The following PHLPP2 variants were observed in gnomAD, a reference collection of about 807,000 sequenced individuals.
The protein encoded by PHLPP2 is PH domain and leucine rich repeat protein phosphatase 2.
A neutral mutation model predicts 124.9 loss-of-function variants in PHLPP2; 66 were observed. The observed-to-expected ratio is 0.53, with a 90% confidence interval of 0.43 to 0.65. The LOEUF (loss-of-function observed/expected upper bound fraction) is 0.65, where lower values mean the gene tolerates loss of function less well. PHLPP2 is among the 30% of genes least tolerant of loss of function. The pLI is 0.00. For synonymous variants in PHLPP2, 681 were observed against 624.7 expected (o/e 1.09, Z -1.34); for missense variants, 1,685 against 1,600.4 (o/e 1.05, Z -0.90).
intron 1 of PHLPP2, among the ~76,000 whole-genome samples, chr16:71,720,286 A>T (rs1474779773): frequency 1.3e-5 from 2 of 150,602 alleles, no homozygotes; most frequent in Non-Finnish European, 3.0e-5. Context: ...GCTAATTTTT[A>T]AAAATATTTT....
intron 7 of PHLPP2, 126 bp downstream of exon 7, chr16:71,679,263 G>T: frequency 1.2e-6 from 1 of 840,244 alleles, no homozygotes; most frequent in Non-Finnish European, 1.9e-6. Flanking sequence ...AACTGCTGCT[G>T]ACTAGAATCC....
Position 71,684,534 on chromosome 16 carries a change from T to G in PHLPP2, c.677A>C (p.Tyr226Ser). ...GGCCAAAGTCTCGAAGCTGACATGA[T>G]AGGTCTGAGCTTGGGCTCCTGCTGA... ...FSSAGAQAQT[Y>S]HVSFETLAEY... Residue 226 changes from tyrosine (Y) to serine (S), a missense_variant, in exon 5 of 19, where the codon TAT becomes TCT. Tyr to Ser is a moderately radical substitution (Grantham distance 144, BLOSUM62 -2). Coordinates refer to ENST00000568954, the MANE Select transcript of PHLPP2 (RefSeq NM_015020.3). 6.2e-7 allele frequency: 1 copy of G among 1,613,898 alleles called. No homozygotes were observed. The highest frequency in any genetic ancestry group is 8.5e-7 in the Non-Finnish European group (1 of 1,179,938).
chr16:71,676,422 A>C (rs2044945833), intron 9 of PHLPP2, 25 bp downstream of exon 9: 1 of 1,598,978 alleles, frequency 6.3e-7, no homozygotes, highest in South Asian at 1.1e-5. Context: ...AAGAGAAAAA[A>C]CAAAAGGCTG....
At chr16:71,701,933 T>C (rs539883641) in intron 3 of PHLPP2, among the ~76,000 whole-genome samples, 3 of 152,326 alleles carry the variant, frequency 2.0e-5, no homozygotes, top group South Asian at 2.1e-4. Flanking sequence ...ATAGTACATA[T>C]AGAGTTCAGT....
At chr16:71,670,054 C>T (rs2044877533) in intron 10 of PHLPP2, among the ~76,000 whole-genome samples, 1 of 152,120 alleles carries the variant, frequency 6.6e-6, no homozygotes, top group Non-Finnish European at 1.5e-5. Context: ...TCAAAACAAG[C>T]TCTCTAAGAA....
chr16:71,722,043 T>A (rs998183059), intron 1 of PHLPP2, among the ~76,000 whole-genome samples: 18 of 152,278 alleles, frequency 1.2e-4, no homozygotes, highest in African/African-American at 4.3e-4. Context: ...CAGAGAAAAA[T>A]GAGTGGGAGA....
chr16:71,691,239 G>A (rs1167212947), intron 3 of PHLPP2, among the ~76,000 whole-genome samples: 1 of 152,112 alleles, frequency 6.6e-6, no homozygotes, highest in Admixed American at 6.6e-5. Context: ...CATATCACAA[G>A]GTCAGGAGAT....
chr16:71,652,750 A>C (rs771273001), intron 18 of PHLPP2, 40 bp downstream of exon 18: 1 of 1,457,526 alleles, frequency 6.9e-7, no homozygotes, highest in East Asian at 2.3e-5. Flanking sequence ...GCCTCCACTG[A>C]TTTGGGGAGC....
chr16:71,723,923 G>C (rs1201132841), intron 1 of PHLPP2: 2 of 687,644 alleles, frequency 2.9e-6, no homozygotes, highest in Non-Finnish European at 3.7e-6. Flanking sequence ...GCGGAGCCTC[G>C]GCGGCGCGCG....
intron 3 of PHLPP2, among the ~76,000 whole-genome samples, chr16:71,700,111 A>G (rs189440525): frequency 9.9e-5 from 15 of 152,260 alleles, no homozygotes; most frequent in Admixed American, 2.6e-4. Flanking sequence ...TTTATTATAG[A>G]TCCGGCTGCT....
At chr16:71,715,061 T>C in intron 1 of PHLPP2, 1 of 468,780 alleles carries the variant, frequency 2.1e-6, no homozygotes. Flanking sequence ...GTGTCAAGAA[T>C]AACGAAACAG....
At chr16:71,723,932 C>G in intron 1 of PHLPP2, 1 of 560,590 alleles carries the variant, frequency 1.8e-6, no homozygotes, top group Non-Finnish European at 2.3e-6. Flanking sequence ...CGGCGGCGCG[C>G]GCGAGCAACC....
chr16:71,695,423 A>G (rs932593279), intron 3 of PHLPP2, among the ~76,000 whole-genome samples: 1 of 152,162 alleles, frequency 6.6e-6, no homozygotes, highest in African/African-American at 2.4e-5. Flanking sequence ...AGAAATGTAT[A>G]CAGGGCCGGG....
chr16:71,684,424 C>G, intron 5 of PHLPP2, 52 bp downstream of exon 5: 4 of 1,599,294 alleles, frequency 2.5e-6, no homozygotes, highest in Non-Finnish European at 3.4e-6. Context: ...CCACGCCCGG[C>G]CTAGGGTTCT....
chr16:71,679,670 A>G (rs561638706), intron 6 of PHLPP2, 135 bp from the exon 7 acceptor site: 1 of 711,098 alleles, frequency 1.4e-6, no homozygotes, highest in Admixed American at 2.8e-5. Context: ...CTTATTGAGC[A>G]CTCGCTGCAT....
chr16:71,684,070 G>A (rs1567620955), intron 5 of PHLPP2, among the ~76,000 whole-genome samples: 1 of 149,140 alleles, frequency 6.7e-6, no homozygotes, highest in Non-Finnish European at 1.5e-5. Context: ...AGGATTACAT[G>A]CATGAGCCAC....
intron 9 of PHLPP2, 117 bp from the exon 10 acceptor site, chr16:71,672,439 A>AAG: frequency 2.7e-6 from 2 of 732,522 alleles, no homozygotes; most frequent in Admixed American, 4.9e-5. Context: ...GTATTCTACC[A>AAG]AGATGAGCTA....
intron 2 of PHLPP2, among the ~76,000 whole-genome samples, chr16:71,708,310 A>C (rs1051045068): frequency 6.6e-6 from 1 of 152,184 alleles, no homozygotes; most frequent in Non-Finnish European, 1.5e-5. Flanking sequence ...GCCTTAACTG[A>C]TGACATTACC....
chr16:71,645,206 T>G lies in PHLPP2; in HGVS notation c.*3684A>C, dbSNP rs1052526299. 6.1e-6 allele frequency: 1 copy of G among 163,500 alleles called. No homozygotes were observed. Among genetic ancestry groups the G allele is most frequent in the Non-Finnish European group, 1.3e-5 (1 of 75,504 alleles). 10.1% of individuals were successfully genotyped at this position (163,500 alleles called of 1,614,324 possible). A position where few individuals can be genotyped will look rare whatever the true frequency, so the allele number is the denominator to read the frequency against. On this transcript the variant is annotated 3_prime_UTR_variant, in exon 19 of 19. Transcript: ENST00000568954. ...GCATCTGGGAGAAGTGCATGAAATT[T>G]AGAATACAAGGAACTTATGTGTGAC...
Sources: allele counts gnomAD v4.1 joint callset (sites outside exome capture counted in the v4.1 genomes callset), GRCh38; gene constraint gnomAD v4.1.1; transcripts MANE v1.5; gene names NCBI Gene and HGNC (gene_info 2026-07-23, HGNC 2026-07-21).